The following PARM1 variants were observed in gnomAD, a reference collection of about 807,000 sequenced individuals.
PARM1 encodes WSC4, cell wall integrity and stress response component 4 homolog.
A neutral mutation model predicts 24.6 loss-of-function variants in PARM1; 14 were observed. The ratio of observed to expected loss-of-function variants is 0.57; its 90% confidence interval spans 0.38 to 0.89. The LOEUF (loss-of-function observed/expected upper bound fraction) is 0.89, where lower values mean the gene tolerates loss of function less well. Ranked by LOEUF, PARM1 falls within the 40% of genes least tolerant of loss-of-function variation. The pLI is 0.00. For synonymous variants in PARM1, 179 were observed against 156.6 expected (o/e 1.14, Z -1.07); for missense variants, 362 against 380.4 (o/e 0.95, Z 0.40).
intron 1 of PARM1, among the ~76,000 whole-genome samples, chr4:75,010,065 C>T (rs1722843614): frequency 6.6e-6 from 1 of 152,154 alleles, no homozygotes; most frequent in Admixed American, 6.5e-5. Flanking sequence ...ACGTTCATGG[C>T]AACAATATTC....
At chr4:74,988,713 T>C (rs1578040912) in intron 1 of PARM1, among the ~76,000 whole-genome samples, 2 of 152,216 alleles carry the variant, frequency 1.3e-5, no homozygotes, top group Non-Finnish European at 2.9e-5. Flanking sequence ...TGTATGGCTA[T>C]TACTTCTGGT....
chr4:74,962,956 C>CAGAT lies in PARM1; in HGVS notation c.43+29587_43+29590dup, dbSNP rs528311071. On this transcript the variant is annotated intron_variant, in intron 1 of 3. Coordinates refer to ENST00000307428, the MANE Select transcript of PARM1 (RefSeq NM_015393.4). Reference sequence around the variant, plus strand: ...CAAGGCTGGGACAGGTGAAGGTAATCAGATCATGGGGGCAGTTTCCCCCAC... The same window carrying CAGAT: ...CAAGGCTGGGACAGGTGAAGGTAATCAGATAGATCATGGGGGCAGTTTCCCCCAC... Among the ~76,000 whole-genome samples the CAGAT allele has an allele frequency of 7.4e-3, 1,128 of 152,314 alleles. 5 individuals carry two copies. The highest frequency in any genetic ancestry group is 0.012 in the Non-Finnish European group (820 of 68,026).
At chr4:75,001,140 C>A (rs1391571219) in intron 1 of PARM1, among the ~76,000 whole-genome samples, 1 of 152,096 alleles carries the variant, frequency 6.6e-6, no homozygotes, top group African/African-American at 2.4e-5. Flanking sequence ...CAGAATATGG[C>A]ATGTAATAAG....
chr4:75,036,367 G>A (rs2109811040), intron 3 of PARM1, among the ~76,000 whole-genome samples: 1 of 152,292 alleles, frequency 6.6e-6, no homozygotes, highest in South Asian at 2.1e-4. Context: ...GAAGCAGGGA[G>A]CCCTCAGTTC....
At position 74,998,830 on chromosome 4, in the gene PARM1, A is replaced by C. The variant is rs72860972; in HGVS notation, c.44-13595A>C. Among the ~76,000 whole-genome samples the C allele has an allele frequency of 6.7e-3, 1,020 of 152,296 alleles. 7 individuals carry two copies. Among genetic ancestry groups the C allele is most frequent in the African/African-American group, 0.023 (949 of 41,556 alleles). On this transcript the variant is annotated intron_variant, in intron 1 of 3. Transcript: ENST00000307428. ...CCTACTCCCCTCGGATTGCCTGCCT[A>C]TCTTTGACAATATATCAGGACTTAG...
intron 1 of PARM1, among the ~76,000 whole-genome samples, 155 bp from the exon 2 acceptor site, chr4:75,012,270 A>G (rs1422336003): frequency 6.6e-6 from 1 of 152,226 alleles, no homozygotes; most frequent in African/African-American, 2.4e-5. Flanking sequence ...AAGAAAGTCC[A>G]TTAAAAGTTG....
At chr4:75,033,849 G>T in intron 2 of PARM1, 34 bp from the exon 3 acceptor site, 5 of 1,557,686 alleles carry the variant, frequency 3.2e-6, no homozygotes, top group Non-Finnish European at 3.5e-6. Context: ...GTATCCTCAT[G>T]TATCTTCTTT....
At chr4:74,999,915 T>C (rs573277097) in intron 1 of PARM1, among the ~76,000 whole-genome samples, 1 of 152,280 alleles carries the variant, frequency 6.6e-6, no homozygotes, top group African/African-American at 2.4e-5. Context: ...TGGACTTTTT[T>C]TTAATAAGGT....
intron 1 of PARM1, among the ~76,000 whole-genome samples, chr4:74,978,040 A>G (rs117817100): frequency 6.6e-6 from 1 of 152,366 alleles, no homozygotes; most frequent in East Asian, 1.9e-4. Flanking sequence ...CAATGACAAT[A>G]TGAAGCAACT....
At chr4:75,021,995 A>G (rs1686330530) in intron 2 of PARM1, among the ~76,000 whole-genome samples, 2 of 152,224 alleles carry the variant, frequency 1.3e-5, no homozygotes, top group African/African-American at 2.4e-5. Context: ...TTACTGGGTC[A>G]AATGGTAATT....
chr4:74,959,656 T>C (rs926197317), intron 1 of PARM1, among the ~76,000 whole-genome samples: 2 of 152,246 alleles, frequency 1.3e-5, no homozygotes, highest in Non-Finnish European at 2.9e-5. Context: ...TTTTCATAAC[T>C]AGTATTTTGT....
At chr4:75,002,429 CTT>C (rs1578046375) in intron 1 of PARM1, among the ~76,000 whole-genome samples, 1 of 151,916 alleles carries the variant, frequency 6.6e-6, no homozygotes, top group African/African-American at 2.4e-5. Flanking sequence ...AACTCAAAGA[CTT>C]TTTATCTTTT....
chr4:75,045,794 A>G (rs1206537491), intron 3 of PARM1, among the ~76,000 whole-genome samples: 1 of 152,204 alleles, frequency 6.6e-6, no homozygotes, highest in African/African-American at 2.4e-5. Context: ...TTTCAGGGAA[A>G]ATTAAGCCCA....
intron 1 of PARM1, among the ~76,000 whole-genome samples, chr4:75,008,791 C>T (rs1164210396): frequency 6.6e-6 from 1 of 152,172 alleles, no homozygotes; most frequent in Non-Finnish European, 1.5e-5. Context: ...TGAATTGGTT[C>T]TCCTTTGTAG....
chr4:75,013,255 A>C, intron 2 of PARM1, 105 bp downstream of exon 2: 1 of 1,147,540 alleles, frequency 8.7e-7, no homozygotes, highest in South Asian at 1.6e-5. Flanking sequence ...GGAGTGTAAC[A>C]CCTAAGTTGA....
intron 1 of PARM1, among the ~76,000 whole-genome samples, chr4:74,974,312 A>G (rs1722098946): frequency 6.6e-6 from 1 of 152,228 alleles, no homozygotes; most frequent in South Asian, 2.1e-4. Flanking sequence ...CTTTTGTCCC[A>G]GTCAAGTTGA....
chr4:74,955,523 T>G (rs1721612763), intron 1 of PARM1, among the ~76,000 whole-genome samples: 1 of 152,268 alleles, frequency 6.6e-6, no homozygotes, highest in Non-Finnish European at 1.5e-5. Context: ...GTCCAAGACC[T>G]GAACTTTGTG....
At chr4:74,960,572 T>C (rs1721748738) in intron 1 of PARM1, among the ~76,000 whole-genome samples, 1 of 152,126 alleles carries the variant, frequency 6.6e-6, no homozygotes, top group Non-Finnish European at 1.5e-5. Context: ...AAAATCACTA[T>C]ATTATTATAT....
intron 1 of PARM1, among the ~76,000 whole-genome samples, chr4:74,961,018 A>C (rs1721762718): frequency 6.6e-6 from 1 of 151,924 alleles, no homozygotes; most frequent in African/African-American, 2.4e-5. Flanking sequence ...AAAAAAAAAA[A>C]GATGCTCAAA....
Sources: gnomAD v4.1 joint callset for allele counts (sites outside exome capture counted in the v4.1 genomes callset) on GRCh38, gnomAD v4.1.1 for gene constraint, MANE v1.5 for transcripts, NCBI Gene and HGNC (gene_info 2026-07-23, HGNC 2026-07-21) for gene names.